The following MECOM variants were observed in gnomAD, a reference collection of about 807,000 sequenced individuals.
MECOM encodes MDS1 and EVI1 complex locus, also known as histone-lysine N-methyltransferase MECOM.
Under a neutral mutation model 116.3 loss-of-function variants are expected in MECOM, and 13 were observed. The ratio of observed to expected loss-of-function variants is 0.11; its 90% CI spans 0.07 to 0.18. The LOEUF (loss-of-function observed/expected upper bound fraction) is 0.18, where lower values mean the gene tolerates loss of function less well. Ranked by LOEUF, MECOM falls within the 10% of genes least tolerant of loss-of-function variation. The pLI is 1.00. For synonymous variants in MECOM, 528 were observed against 535.2 expected, an observed-to-expected ratio of 0.99 and a Z score of 0.19; for missense variants, 1,299 against 1,509.0, an observed-to-expected ratio of 0.86 and a Z score of 2.31.
intron 2 of MECOM, among the ~76,000 whole-genome samples, chr3:169,327,088 G>A (rs764608529): frequency 1.3e-5 from 2 of 152,118 alleles, no homozygotes; most frequent in Non-Finnish European, 2.9e-5. Flanking sequence ...CAATTCCAAG[G>A]TCAACTATAG....
At chr3:169,546,420 T>G (rs867129855) in intron 1 of MECOM, among the ~76,000 whole-genome samples, 1 of 152,272 alleles carries the variant, frequency 6.6e-6, no homozygotes, top group East Asian at 1.9e-4. Flanking sequence ...ATATTATTGG[T>G]AGAAAAAGAG....
chr3:169,492,372 A>G (rs148855668), intron 1 of MECOM, among the ~76,000 whole-genome samples: 3 of 152,336 alleles, frequency 2.0e-5, no homozygotes, highest in African/African-American at 7.2e-5. Flanking sequence ...CCTTTGCTCA[A>G]TTCCAAAGCC....
intron 1 of MECOM, among the ~76,000 whole-genome samples, chr3:169,472,398 A>C (rs571337459): frequency 2.7e-5 from 4 of 147,854 alleles, no homozygotes; most frequent in African/African-American, 1.0e-4. Context: ...AAGGAAAAAT[A>C]ATAGAGGAGA....
intron 2 of MECOM, among the ~76,000 whole-genome samples, chr3:169,349,958 G>T (rs1726025937): frequency 6.6e-6 from 1 of 151,740 alleles, no homozygotes; most frequent in South Asian, 2.1e-4. Flanking sequence ...GTTTATAATG[G>T]CTACAATTCA....
intron 1 of MECOM, among the ~76,000 whole-genome samples, chr3:169,640,663 G>A (rs1036046726): frequency 3.9e-5 from 6 of 152,168 alleles, no homozygotes; most frequent in Admixed American, 1.3e-4. Context: ...TGACGTCATG[G>A]AAACATCACC....
In MECOM at chr3:169,607,489, T is replaced by G. The variant is rs150897567; in HGVS notation, c.37+55847A>C. Among the ~76,000 whole-genome samples the G allele has an allele frequency of 6.0e-3, 907 of 152,378 alleles. 11 individuals carry two copies. The highest frequency in any genetic ancestry group is 0.021 in the African/African-American group (874 of 41,594). On this transcript the variant is annotated intron_variant, in intron 1 of 16. Transcript: ENST00000651503. The stretch of plus-strand genomic sequence containing the variant: ...ATTAAAATACCACTACAAAAGATAC[T>G]TGAAAAAATTTATTTTTCTCCTACC...
chr3:169,278,412 G>T (rs1469223784), intron 2 of MECOM, among the ~76,000 whole-genome samples: 3 of 152,158 alleles, frequency 2.0e-5, no homozygotes, highest in Non-Finnish European at 4.4e-5. Context: ...TTTAGTAGTT[G>T]AATATAAACT....
intron 11 of MECOM, among the ~76,000 whole-genome samples, chr3:169,101,581 A>AC (rs1723563062): frequency 6.6e-6 from 1 of 151,894 alleles, no homozygotes; most frequent in Non-Finnish European, 1.5e-5. Flanking sequence ...GCAAAAAAAA[A>AC]TCACACACAA....
At chr3:169,525,598 A>G (rs1185526621) in intron 1 of MECOM, among the ~76,000 whole-genome samples, 2 of 152,260 alleles carry the variant, frequency 1.3e-5, no homozygotes, top group African/African-American at 4.8e-5. Context: ...GTCTCCAAAA[A>G]GAGAGCACGT....
chr3:169,129,191 C>T (rs188245115), intron 4 of MECOM, among the ~76,000 whole-genome samples: 4 of 151,842 alleles, frequency 2.6e-5, no homozygotes, highest in Admixed American at 2.0e-4. Context: ...GGGCACATTT[C>T]GGGAAATGGG....
At chr3:169,354,342 C>A (rs1726880163) in intron 2 of MECOM, among the ~76,000 whole-genome samples, 1 of 151,860 alleles carries the variant, frequency 6.6e-6, no homozygotes, top group Admixed American at 6.6e-5. Context: ...CTAATGCCTA[C>A]AGTTTTTCTC....
intron 3 of MECOM, among the ~76,000 whole-genome samples, chr3:169,137,817 C>A (rs537718923): frequency 6.6e-6 from 1 of 152,118 alleles, no homozygotes; most frequent in Non-Finnish European, 1.5e-5. Context: ...TGCATAAATA[C>A]GGCAATTGAT....
chr3:169,326,221 C>A (rs1364874097), intron 2 of MECOM, among the ~76,000 whole-genome samples: 1 of 151,976 alleles, frequency 6.6e-6, no homozygotes, highest in Admixed American at 6.6e-5. Flanking sequence ...GCCTTCTAGG[C>A]AGAAAACAAC....
rs900545412 is a variant in MECOM at position 169,146,646 on chromosome 3, G to T, written c.376-2814C>A. 5 of 1,361,210 alleles carry T rather than the reference G, an allele frequency of 3.7e-6. No homozygotes were observed. In the African/African-American group the frequency reaches 7.4e-5, roughly 20 times the overall value. The allele number at this position is 1,361,210 out of a possible 1,614,324, so 84.3% of individuals were successfully genotyped here. The stretch of plus-strand genomic sequence containing the variant: ...GGGGCGCCCGTAGAAACGGTGCCCC[G>T]GCAGGAAACTGTCCGAAGTGACAAA... On this transcript the variant is annotated intron_variant, in intron 2 of 16. Coordinates refer to ENST00000651503, the MANE Select transcript of MECOM (RefSeq NM_004991.4).
chr3:169,473,022 G>C (rs150714650), intron 1 of MECOM: 1 of 956,848 alleles, frequency 1.0e-6, no homozygotes, highest in East Asian at 1.2e-4. Context: ...TTTTAAATCA[G>C]AGAAAAACCT....
chr3:169,601,658 A>G (rs1391640287), intron 1 of MECOM, among the ~76,000 whole-genome samples: 1 of 152,220 alleles, frequency 6.6e-6, no homozygotes, highest in African/African-American at 2.4e-5. Context: ...GATTCCCCCT[A>G]TTCACAGAAC....
chr3:169,186,504 C>T (rs967589960), intron 2 of MECOM, among the ~76,000 whole-genome samples: 1 of 151,688 alleles, frequency 6.6e-6, no homozygotes, highest in African/African-American at 2.4e-5. Context: ...ATCTATAAAG[C>T]CAAAATATCA....
intron 1 of MECOM, among the ~76,000 whole-genome samples, chr3:169,634,113 C>T (rs1228803143): frequency 6.6e-6 from 1 of 152,140 alleles, no homozygotes; most frequent in African/African-American, 2.4e-5. Flanking sequence ...ACCATTATCA[C>T]AGAAGGAGAG....
intron 2 of MECOM, among the ~76,000 whole-genome samples, chr3:169,294,164 A>C (rs1715145379): frequency 6.6e-6 from 1 of 151,530 alleles, no homozygotes; most frequent in Admixed American, 6.6e-5. Context: ...GTTTTTTTTT[A>C]AGTTGTTGTA....
Sources: gnomAD v4.1 joint callset for allele counts (sites outside exome capture counted in the v4.1 genomes callset) on GRCh38, gnomAD v4.1.1 for gene constraint, MANE v1.5 for transcripts, NCBI Gene and HGNC (gene_info 2026-07-23, HGNC 2026-07-21) for gene names.